Variants in ZNF775 observed in about 807,000 individuals in gnomAD.
The protein encoded by ZNF775 is zinc finger protein 775.
ZNF775 carries 1 observed loss-of-function variant against 2.4 expected under a neutral mutation model. The ratio of observed to expected loss-of-function variants is 0.41; its 90% CI spans 0.15 to 1.94. The LOEUF (loss-of-function observed/expected upper bound fraction) is 1.94, where lower values mean the gene tolerates loss of function less well. Ranked by LOEUF, ZNF775 falls within the 30% of genes most tolerant of loss-of-function variation. The pLI is 0.30. For missense variants in ZNF775, 823 were observed against 826.6 expected, an observed-to-expected ratio of 1.00 and a Z score of 0.05; for synonymous variants, 381 against 373.3, an observed-to-expected ratio of 1.02 and a Z score of -0.24.
rs201877119 is a variant in ZNF775, at chr7:150,396,803, G to T, written c.322G>T (p.Val108Leu). The T allele has an allele frequency of 2.2e-4, 357 of 1,599,994 alleles. No individual in the cohort carries two copies. The highest frequency in any genetic ancestry group is 7.7e-6 in the Non-Finnish European group (9 of 1,175,818). ...GCTTTCCTCCGGCGAGGGTCACTTT[G>T]TATGCCTGGACTGCGGGAAGAGGTT... is the stretch of plus-strand genomic sequence containing the variant. ...PSLSSGEGHF[V>L]CLDCGKRFSW... Residue 108 changes from valine to leucine, a missense_variant, in exon 3 of 3, where the codon GTA becomes TTA. Val to Leu is a conservative substitution (Grantham distance 32, BLOSUM62 1). Transcript: ENST00000329630.
chr7:150,398,233 T>A lies in ZNF775; in HGVS notation c.*138T>A. The A allele has an allele frequency of 1.5e-6, 2 of 1,350,996 alleles. No homozygotes were observed. Among genetic ancestry groups the A allele is most frequent in the South Asian group, 1.5e-5 (1 of 67,820 alleles). The allele number at this position is 1,350,996 out of a possible 1,614,324, so 83.7% of individuals were successfully genotyped here. A position where few individuals can be genotyped will look rare whatever the true frequency, so the allele number is the denominator to read the frequency against. ...TGGATTCCTTAAGGCTCTGAAGGGC[T>A]GAGAACAGTTCTAGAAGCGTCCCAA... On this transcript the variant is annotated 3_prime_UTR_variant, in exon 3 of 3. Coordinates refer to ENST00000329630, the MANE Select transcript of ZNF775 (RefSeq NM_173680.4).
Position 150,398,262 on chromosome 7 carries a change from G to A in ZNF775, c.*167G>A, listed in dbSNP as rs1800721573. 1.7e-5 allele frequency: 20 copies of A among 1,188,484 alleles called. No individual in the cohort carries two copies. Among genetic ancestry groups the A allele is most frequent in the Admixed American group, 6.1e-5 (2 of 32,760 alleles). 73.6% of individuals were successfully genotyped at this position (1,188,484 alleles called of 1,614,324 possible). A position where few individuals can be genotyped will look rare whatever the true frequency, so the allele number is the denominator to read the frequency against. Reference sequence around the variant, plus strand: ...AACAGTTCTAGAAGCGTCCCAAAGGGTGCTGGGAAAGGTCCCAGCGTGGGT... The same window carrying A: ...AACAGTTCTAGAAGCGTCCCAAAGGATGCTGGGAAAGGTCCCAGCGTGGGT... On this transcript the variant is annotated 3_prime_UTR_variant, in exon 3 of 3. Coordinates refer to ENST00000329630, the MANE Select transcript of ZNF775 (RefSeq NM_173680.4).
At chr7:150,393,712 A>C (rs1800600775) in intron 2 of ZNF775, among the ~76,000 whole-genome samples, 1 of 152,168 alleles carries the variant, frequency 6.6e-6, no homozygotes, top group South Asian at 2.1e-4. Context: ...CTCGTTGCCC[A>C]GGCTGGAGAG....
At chr7:150,390,184 G>C (rs992933902) in intron 2 of ZNF775, among the ~76,000 whole-genome samples, 2 of 152,122 alleles carry the variant, frequency 1.3e-5, no homozygotes, top group African/African-American at 4.8e-5. Context: ...GGGCAGGCCA[G>C]TGGCCTGCGC....
chr7:150,396,870 C>G lies in ZNF775; in HGVS notation c.389C>G (p.Thr130Ser). Residue 130 changes from threonine (T) to serine (S), a missense_variant, in exon 3 of 3, where the codon ACC becomes AGC. Coordinates refer to ENST00000329630, the MANE Select transcript of ZNF775 (RefSeq NM_173680.4). ...CTGAAGATCCACCAGCGCACCCACACCGGGGAGAAGCCGTACCTCTGCGGC... is the reference window on the plus strand; with the variant it reads ...CTGAAGATCCACCAGCGCACCCACAGCGGGGAGAAGCCGTACCTCTGCGGC... ...SSLKIHQRTH[T>S]GEKPYLCGKC... 6.2e-7 allele frequency: 1 copy of G among 1,602,768 alleles called. No homozygotes were observed. The highest frequency in any genetic ancestry group is 8.5e-7 in the Non-Finnish European group (1 of 1,179,714).
intron 2 of ZNF775, among the ~76,000 whole-genome samples, chr7:150,396,125 T>A (rs930471258): frequency 1.3e-5 from 2 of 152,154 alleles, no homozygotes. Context: ...GTCAGCAGAT[T>A]TCACTGGATC....
chr7:150,381,175 G>C (rs945157590), intron 1 of ZNF775, among the ~76,000 whole-genome samples: 3 of 152,102 alleles, frequency 2.0e-5, no homozygotes, highest in African/African-American at 7.3e-5. Context: ...GTGAGGAGGA[G>C]GGGGCCAGGG....
intron 1 of ZNF775, among the ~76,000 whole-genome samples, 179 bp downstream of exon 1, chr7:150,379,571 G>A (rs112104178): frequency 2.0e-5 from 3 of 152,012 alleles, no homozygotes; most frequent in Non-Finnish European, 2.9e-5. Context: ...CGCCCCCCGA[G>A]CCCCGGGTCT....
rs1563260492 is a variant in ZNF775, at chr7:150,396,728, GGGCT to G, written c.251_254del (p.Leu84GlnfsTer12). On this transcript the variant is annotated frameshift_variant, in exon 3 of 3. Coordinates refer to ENST00000329630, the MANE Select transcript of ZNF775 (RefSeq NM_173680.4). LOFTEE classifies it low-confidence loss of function (END_TRUNC). ...GGCCCCTCCCACTGAGCAGGATGCG[GGGCT>G]GGCAGGCCGGGCTCCCGGGTCAGCC... is the stretch of plus-strand genomic sequence containing the variant. 1 of 1,594,268 alleles carries G rather than the reference GGGCT, an allele frequency of 6.3e-7. No homozygotes were observed. The highest frequency in any genetic ancestry group is 8.5e-7 in the Non-Finnish European group (1 of 1,170,954).
chr7:150,379,609 C>G (rs1031223155), intron 1 of ZNF775, among the ~76,000 whole-genome samples: 13 of 151,992 alleles, frequency 8.6e-5, no homozygotes, highest in Non-Finnish European at 1.8e-4. Flanking sequence ...CCGACACAGC[C>G]GAGGGGAAAG....
rs1178602324 is a variant in ZNF775, at chr7:150,384,235, G to A, written c.-49-4187G>A. Among the ~76,000 whole-genome samples the A allele has an allele frequency of 1.3e-5, 2 of 152,252 alleles. No individual in the cohort carries two copies. Among genetic ancestry groups the A allele is most frequent in the Admixed American group, 6.5e-5 (1 of 15,288 alleles). On this transcript the variant is annotated intron_variant, in intron 1 of 2. Transcript: ENST00000329630. This position sits in a 1 kb window ranked among gnomAD's most constrained non-coding sequence, Gnocchi z 4.1. ...GGGCAGCAGAGAGGAAAGGTGGTCCGGTAGGGGCCCGGGGGCCCTTGTGCG... is the reference window on the plus strand; with the variant it reads ...GGGCAGCAGAGAGGAAAGGTGGTCCAGTAGGGGCCCGGGGGCCCTTGTGCG...
rs1459667957 is a variant in ZNF775 at position 150,384,153 on chromosome 7, C to T, written c.-49-4269C>T. On this transcript the variant is annotated intron_variant, in intron 1 of 2. Transcript: ENST00000329630. The surrounding 1 kb of genome is among the most constrained non-coding windows in gnomAD (Gnocchi z 4.1). ...CTGACCCGGTGCGCGGAGGGCCGGG[C>T]CAGGGCCAGGCGTGGGAAGGGGGCC... Among the ~76,000 whole-genome samples, 1 of 152,208 alleles carries T rather than the reference C, an allele frequency of 6.6e-6. No individual in the cohort carries two copies. The highest frequency in any genetic ancestry group is 1.5e-5 in the Non-Finnish European group (1 of 68,040).
chr7:150,390,316 G>A (rs965366372), intron 2 of ZNF775, among the ~76,000 whole-genome samples: 2 of 152,160 alleles, frequency 1.3e-5, no homozygotes, highest in Non-Finnish European at 2.9e-5. Context: ...GCCCAACCCA[G>A]TCATTTGCGT....
chr7:150,385,565 A>C (rs1800437785), intron 1 of ZNF775, among the ~76,000 whole-genome samples: 1 of 151,974 alleles, frequency 6.6e-6, no homozygotes, highest in Non-Finnish European at 1.5e-5. Context: ...TCCCTGAGTA[A>C]CTGCAAAGAC....
intron 1 of ZNF775, among the ~76,000 whole-genome samples, chr7:150,381,124 C>G (rs985770007): frequency 6.6e-6 from 1 of 151,470 alleles, no homozygotes; most frequent in African/African-American, 2.4e-5. Context: ...GAATTGGGGC[C>G]GAGGAATGTA....
Position 150,397,489 on chromosome 7 carries a change from G to C in ZNF775, c.1008G>C (p.Pro336=). 1 of 1,583,634 alleles carries C rather than the reference G, an allele frequency of 6.3e-7. No homozygotes were observed. The highest frequency in any genetic ancestry group is 8.5e-7 in the Non-Finnish European group (1 of 1,171,636). ...TGCGCAACCACACAGGCGAGCGCCC[G>C]CACCCCTGCCCGCACTGTGGCCGCG... The part of the protein sequence containing the change: ...RHLRNHTGER[P]HPCPHCGRGF... The change falls in exon 3 of 3, where the codon CCG becomes CCC. Residue 336 remains proline (P), a synonymous_variant. Transcript: ENST00000329630.
intron 2 of ZNF775, among the ~76,000 whole-genome samples, chr7:150,389,277 A>G (rs1800513565): frequency 6.6e-6 from 1 of 152,146 alleles, no homozygotes; most frequent in Admixed American, 6.5e-5. Flanking sequence ...GAATTGCCCC[A>G]TAGACCCCAG....
rs1800379366 is a variant in ZNF775, at chr7:150,382,328, C to A, written c.-50+2936C>A. On this transcript the variant is annotated intron_variant, in intron 1 of 2. Transcript: ENST00000329630. The surrounding 1 kb of genome is among the most constrained non-coding windows in gnomAD (Gnocchi z 4.6). The stretch of plus-strand genomic sequence containing the variant: ...AGGCTTGCCGCCCTGTGGTGCTCCT[C>A]CCAAACTCAGGGAGCAGGTATTTCC... Among the ~76,000 whole-genome samples the A allele has an allele frequency of 6.6e-6, 1 of 152,110 alleles. No individual in the cohort carries two copies. The highest frequency in any genetic ancestry group is 1.5e-5 in the Non-Finnish European group (1 of 67,986).
Position 150,398,319 on chromosome 7 carries a change from C to A in ZNF775, c.*224C>A. 1 of 730,824 alleles carries A rather than the reference C, an allele frequency of 1.4e-6. No individual in the cohort carries two copies. Among genetic ancestry groups the A allele is most frequent in the Non-Finnish European group, 2.1e-6 (1 of 471,474 alleles). The allele number at this position is 730,824 out of a possible 1,614,324, so 45.3% of individuals were successfully genotyped here. Reference sequence around the variant, plus strand: ...AGGAGGGAAGATCCGAGTTCCTCACCGCGGGCCGGGATGTGACCACCCTCT... The same window carrying A: ...AGGAGGGAAGATCCGAGTTCCTCACAGCGGGCCGGGATGTGACCACCCTCT... On this transcript the variant is annotated 3_prime_UTR_variant, in exon 3 of 3. Coordinates refer to ENST00000329630, the MANE Select transcript of ZNF775 (RefSeq NM_173680.4).
Sources: allele counts gnomAD v4.1 joint callset (sites outside exome capture counted in the v4.1 genomes callset), GRCh38; gene constraint gnomAD v4.1.1; non-coding constraint Gnocchi (gnomAD v3.1); transcripts MANE v1.5; gene names NCBI Gene and HGNC (gene_info 2026-07-23, HGNC 2026-07-21).